Variants in BPTF observed in about 807,000 individuals in gnomAD.
BPTF encodes bromodomain PHD finger transcription factor, also known as nucleosome-remodeling factor subunit BPTF.
Under a neutral mutation model 292.5 loss-of-function variants are expected in BPTF, and 18 were observed. That is an observed-to-expected ratio of 0.06 (90% CI 0.04 to 0.09). BPTF has a LOEUF of 0.09. Ranked by LOEUF, BPTF falls within the 10% of genes least tolerant of loss-of-function variation. The pLI, the probability that BPTF is intolerant of heterozygous loss-of-function variation, is 1.00. For missense variants in BPTF, 2,726 were observed against 3,498.7 expected, an observed-to-expected ratio of 0.78 and a Z score of 5.57; for synonymous variants, 1,225 against 1,251.9, an observed-to-expected ratio of 0.98 and a Z score of 0.45.
intron 3 of BPTF, among the ~76,000 whole-genome samples, chr17:67,874,086 A>G (rs1023113180): frequency 2.0e-5 from 3 of 152,228 alleles, no homozygotes; most frequent in African/African-American, 7.2e-5. Context: ...AGCTGAAACA[A>G]TTTGTGCAAC....
chr17:67,845,328 G>C (rs1245235948), intron 1 of BPTF, among the ~76,000 whole-genome samples: 1 of 152,180 alleles, frequency 6.6e-6, no homozygotes, highest in African/African-American at 2.4e-5. Flanking sequence ...GTTCTTGCTT[G>C]AATCAGTTAC....
At chr17:67,832,806 G>C (rs1218993712) in intron 1 of BPTF, among the ~76,000 whole-genome samples, 2 of 19,828 alleles carry the variant, frequency 1.0e-4, no homozygotes, top group African/African-American at 2.4e-4. Flanking sequence ...TTTTTTTTTT[G>C]AGGCAGAGTC....
At chr17:67,962,822 C>T (rs1459135659) in intron 24 of BPTF, among the ~76,000 whole-genome samples, 5 of 152,156 alleles carry the variant, frequency 3.3e-5, no homozygotes, top group African/African-American at 1.2e-4. Flanking sequence ...CCTGGCTGAC[C>T]TGCATGTTCC....
At position 67,911,630 on chromosome 17, in the gene BPTF, C is replaced by A; in HGVS notation, c.3746C>A (p.Ser1249Tyr). Residue 1249 changes from serine (S) to tyrosine (Y), a missense_variant, in exon 11 of 28, where the codon TCC becomes TAC. Physicochemically the swap from Ser to Tyr is moderately radical, Grantham distance 144 (BLOSUM62 -2). This residue lies in a region of BPTF where 713 missense variants were observed against 714.9 expected (regional missense o/e 1.00). Coordinates refer to ENST00000306378, the MANE Select transcript of BPTF (RefSeq NM_182641.4). ...QEESDTIVSS[S>Y]KSALHSSVPK... ...GAAAGTGACACCATTGTTTCTTCTT[C>A]CAAGAGTGCTTTACATTCATCAGTG... The A allele has an allele frequency of 6.2e-7, 1 of 1,614,136 alleles. No homozygotes were observed. Among genetic ancestry groups the A allele is most frequent in the Non-Finnish European group, 8.5e-7 (1 of 1,180,020 alleles).
At chr17:67,980,654 G>C (rs1472560124) in intron 27 of BPTF, among the ~76,000 whole-genome samples, 4 of 152,158 alleles carry the variant, frequency 2.6e-5, no homozygotes, top group African/African-American at 9.7e-5. Context: ...AGAGGAAATT[G>C]CCTGGAGGTC....
At chr17:67,938,829 A>T (rs1197317895) in intron 18 of BPTF, among the ~76,000 whole-genome samples, 2 of 152,242 alleles carry the variant, frequency 1.3e-5, no homozygotes, top group African/African-American at 4.8e-5. Context: ...AGTTTCTAAA[A>T]ATATGTATTA....
At chr17:67,926,075 A>G (rs185452643) in intron 15 of BPTF, among the ~76,000 whole-genome samples, 40 of 123,618 alleles carry the variant, frequency 3.2e-4, no homozygotes, top group African/African-American at 1.2e-3. Context: ...TGGCACGATC[A>G]TGGCTCACCA....
intron 4 of BPTF, among the ~76,000 whole-genome samples, chr17:67,888,874 A>G (rs919712026): frequency 3.9e-5 from 6 of 152,146 alleles, no homozygotes; most frequent in African/African-American, 1.4e-4. Flanking sequence ...GGACTTCTAT[A>G]GGATTAAACA....
intron 13 of BPTF, among the ~76,000 whole-genome samples, chr17:67,921,209 C>CAAAA (rs60707445): frequency 1.0e-4 from 5 of 49,220 alleles, no homozygotes; most frequent in East Asian, 6.1e-4. Flanking sequence ...GAATCCGTGT[C>CAAAA]AAAAAAAAAA....
intron 4 of BPTF, among the ~76,000 whole-genome samples, chr17:67,882,452 C>G (rs148757875): frequency 7.6e-4 from 116 of 152,350 alleles, no homozygotes; most frequent in African/African-American, 2.7e-3. Context: ...TGTTCCCTTA[C>G]ACTGAAAGCC....
chr17:67,929,869 A>G (rs1189396968), intron 17 of BPTF, among the ~76,000 whole-genome samples: 10 of 152,238 alleles, frequency 6.6e-5, no homozygotes, highest in African/African-American at 2.2e-4. Context: ...TAATCCGAAC[A>G]CTTTGGGAGG....
At chr17:67,867,542 T>C (rs2059459924) in intron 3 of BPTF, among the ~76,000 whole-genome samples, 1 of 152,210 alleles carries the variant, frequency 6.6e-6, no homozygotes, top group African/African-American at 2.4e-5. Context: ...TCCTTAGTTT[T>C]TACCTGATGT....
intron 15 of BPTF, 106 bp from the exon 16 acceptor site, chr17:67,928,249 T>C: frequency 8.4e-7 from 1 of 1,183,514 alleles, no homozygotes; most frequent in Non-Finnish European, 1.2e-6. Flanking sequence ...AGAAATGTAG[T>C]GGAATTTCTT....
chr17:67,866,621 G>A lies in BPTF; in HGVS notation c.1594G>A (p.Asp532Asn), dbSNP rs1598330669. The A allele has an allele frequency of 2.5e-6, 4 of 1,613,894 alleles. No homozygotes were observed. The East Asian group carries it at 8.9e-5, about 36-fold the overall frequency. Residue 532 changes from aspartate to asparagine, a missense_variant, in exon 3 of 28, where the codon GAC becomes AAC. By Grantham distance (23) the Asp-to-Asn change is conservative. Coordinates refer to ENST00000306378, the MANE Select transcript of BPTF (RefSeq NM_182641.4). ...GCGTGAAGAAATCCACCGACACATG[G>A]ACATAACTGAAGACCTGACCAATAA... ...EMREEIHRHMDITEDLTNKAR... is the reference protein window; with the variant it reads ...EMREEIHRHMNITEDLTNKAR...
intron 1 of BPTF, among the ~76,000 whole-genome samples, chr17:67,833,920 G>A (rs1385791210): frequency 6.6e-6 from 1 of 152,122 alleles, no homozygotes; most frequent in Admixed American, 6.5e-5. Context: ...GGTTAGGCTG[G>A]GATGTGGTGA....
rs1280506177 is a variant in BPTF, at chr17:67,825,882, C to T, written c.158C>T (p.Ala53Val). 16 of 1,015,084 alleles carry T rather than the reference C, an allele frequency of 1.6e-5. No individual in the cohort carries two copies. Among genetic ancestry groups the T allele is most frequent in the Non-Finnish European group, 5.9e-6 (5 of 851,186 alleles). 62.9% of individuals were successfully genotyped at this position (1,015,084 alleles called of 1,614,324 possible). The change falls in exon 1 of 28, where the codon GCC becomes GTC. Residue 53 changes from alanine (A) to valine (V), a missense_variant. Around this residue, in one of 22 missense-constraint regions of BPTF, gnomAD observed 103 missense variants for 72.1 expected, o/e 1.43. Transcript: ENST00000306378. ...GGCAGCAGCCGGGGCAGGTGGGCCGCCGCCCAGGCTGAGGTGGCGCCCAAG... is the reference window on the plus strand; with the variant it reads ...GGCAGCAGCCGGGGCAGGTGGGCCGTCGCCCAGGCTGAGGTGGCGCCCAAG... ...HRGSSRGRWA[A>V]AQAEVAPKTR...
At chr17:67,956,942 A>AGAT (rs1222538517) in intron 23 of BPTF, 4 of 143,636 alleles carry the variant, frequency 2.8e-5, no homozygotes, top group African/African-American at 1.0e-4. Context: ...CCAGCCTGGG[A>AGAT]GATAGAGCGA....
chr17:67,895,012 C>G (rs2061348072), intron 7 of BPTF, among the ~76,000 whole-genome samples: 1 of 152,046 alleles, frequency 6.6e-6, no homozygotes, highest in African/African-American at 2.4e-5. Context: ...TATTTAAGGG[C>G]ATAAAGCAAA....
intron 4 of BPTF, 122 bp downstream of exon 4, chr17:67,875,142 A>G (rs2059977648): frequency 2.5e-6 from 2 of 806,950 alleles, no homozygotes; most frequent in Non-Finnish European, 3.9e-6. Flanking sequence ...ATTTCTAAAG[A>G]GATCAGGATA....
Sources: allele counts gnomAD v4.1 joint callset (sites outside exome capture counted in the v4.1 genomes callset), GRCh38; gene constraint gnomAD v4.1.1; regional missense constraint gnomAD v4.1.1; transcripts MANE v1.5; gene names NCBI Gene and HGNC (gene_info 2026-07-23, HGNC 2026-07-21).